Variants in RBMS3 observed in about 807,000 individuals in gnomAD.
RBMS3 encodes RNA-binding motif, single-stranded-interacting protein 3.
In RBMS3, 27 loss-of-function variants were observed where a neutral mutation model predicts 66.8. The observed-to-expected ratio is 0.40, with a 90% confidence interval of 0.30 to 0.56. RBMS3 has a LOEUF of 0.56. RBMS3 is among the 20% of genes least tolerant of loss of function. RBMS3 has a pLI of 0.40. For missense variants in RBMS3, 513 were observed against 549.5 expected, an observed-to-expected ratio of 0.93 and a Z score of 0.66; for synonymous variants, 188 against 183.0, an observed-to-expected ratio of 1.03 and a Z score of -0.22.
chr3:29,549,253 G>A (rs2046095490), intron 3 of RBMS3, among the ~76,000 whole-genome samples: 1 of 151,726 alleles, frequency 6.6e-6, no homozygotes, highest in Non-Finnish European at 1.5e-5. Context: ...TGTACTGGTG[G>A]CAGATGCAAA....
At chr3:29,830,123 A>AT (rs2058331990) in intron 6 of RBMS3, among the ~76,000 whole-genome samples, 1 of 151,770 alleles carries the variant, frequency 6.6e-6, no homozygotes, top group African/African-American at 2.4e-5. Flanking sequence ...TAGTGCAGAT[A>AT]TTTTTAGTGG....
chr3:29,629,457 C>G (rs1040225657), intron 4 of RBMS3, among the ~76,000 whole-genome samples: 3 of 152,104 alleles, frequency 2.0e-5, no homozygotes, highest in African/African-American at 7.2e-5. Flanking sequence ...TCAGTTCAAA[C>G]TGGCATTTTC....
chr3:29,890,272 C>T (rs549233196), intron 8 of RBMS3, among the ~76,000 whole-genome samples: 1 of 151,588 alleles, frequency 6.6e-6, no homozygotes, highest in Non-Finnish European at 1.5e-5. Context: ...AACATTGGGA[C>T]ATGCCTTTTA....
At chr3:29,367,037 A>G (rs571895111) in intron 1 of RBMS3, among the ~76,000 whole-genome samples, 154 of 152,284 alleles carry the variant, frequency 1.0e-3, no homozygotes, top group African/African-American at 3.6e-3. Flanking sequence ...AGAACTAAAA[A>G]GGTAAAAGAC....
intron 4 of RBMS3, among the ~76,000 whole-genome samples, chr3:29,698,818 A>G (rs2052396706): frequency 6.6e-6 from 1 of 152,180 alleles, no homozygotes; most frequent in Admixed American, 6.5e-5. Context: ...TTTTTGTTGT[A>G]CGAAAAATTT....
chr3:29,794,958 A>G (rs566419913), intron 6 of RBMS3, among the ~76,000 whole-genome samples: 56 of 152,340 alleles, frequency 3.7e-4, no homozygotes, highest in African/African-American at 1.1e-3. Context: ...TATGCTTCCC[A>G]TTCTCAACTC....
intron 4 of RBMS3, among the ~76,000 whole-genome samples, chr3:29,673,735 C>T (rs1194162821): frequency 1.3e-5 from 2 of 152,164 alleles, no homozygotes; most frequent in Non-Finnish European, 2.9e-5. Flanking sequence ...AGACCAATGA[C>T]AGGCTCTGAA....
chr3:29,897,626 C>T lies in RBMS3; in HGVS notation c.888+151C>T. ...AATAATACTCAAGTTATGAGTTAGC[C>T]TATACTTTCAAGAGCCTGTTTGCAT... On this transcript the variant is annotated intron_variant, in intron 9 of 14. Coordinates refer to ENST00000383767, the MANE Select transcript of RBMS3 (RefSeq NM_001003793.3). 4 of 678,888 alleles carry T rather than the reference C, an allele frequency of 5.9e-6. No homozygotes were observed. In the South Asian group the frequency reaches 7.2e-5, roughly 12 times the overall value. The allele number at this position is 678,888 out of a possible 1,614,324, so 42.1% of individuals were successfully genotyped here. A position where few individuals can be genotyped will look rare whatever the true frequency, so the allele number is the denominator to read the frequency against.
chr3:29,639,788 A>T (rs931860021), intron 4 of RBMS3, among the ~76,000 whole-genome samples: 3 of 151,810 alleles, frequency 2.0e-5, no homozygotes, highest in Non-Finnish European at 2.9e-5. Flanking sequence ...GAGCAACAGC[A>T]ATTTTTACTT....
chr3:29,569,779 C>T (rs1311512258), intron 3 of RBMS3, among the ~76,000 whole-genome samples: 1 of 152,120 alleles, frequency 6.6e-6, no homozygotes, highest in East Asian at 1.9e-4. Flanking sequence ...GCTTTGAAAG[C>T]ATTGCCTATT....
At chr3:29,681,907 T>A (rs1171259884) in intron 4 of RBMS3, among the ~76,000 whole-genome samples, 13 of 152,224 alleles carry the variant, frequency 8.5e-5, no homozygotes, top group Non-Finnish European at 1.5e-5. Context: ...CTTCTGCCTC[T>A]AGGTCTTTGA....
chr3:29,372,941 T>C (rs939845523), intron 1 of RBMS3, among the ~76,000 whole-genome samples: 4 of 151,466 alleles, frequency 2.6e-5, no homozygotes, highest in Non-Finnish European at 5.9e-5. Context: ...GCCTGGAATA[T>C]AGTAAGTGCT....
At chr3:30,002,526 C>T (rs539811745) in intron 14 of RBMS3, among the ~76,000 whole-genome samples, 2 of 152,074 alleles carry the variant, frequency 1.3e-5, no homozygotes, top group South Asian at 2.1e-4. Flanking sequence ...AACCATGGTT[C>T]CCATGACTAC....
At chr3:29,834,507 A>G (rs2058455580) in intron 6 of RBMS3, among the ~76,000 whole-genome samples, 1 of 152,040 alleles carries the variant, frequency 6.6e-6, no homozygotes, top group South Asian at 2.1e-4. Flanking sequence ...AAAACTTAGA[A>G]TTGGGTGGGC....
intron 1 of RBMS3, among the ~76,000 whole-genome samples, chr3:29,397,683 C>T (rs1310441889): frequency 6.6e-6 from 1 of 152,104 alleles, no homozygotes; most frequent in Admixed American, 6.6e-5. Context: ...TTGCTCTTCA[C>T]CCCTCCCCCT....
At chr3:29,573,896 A>G (rs1044707587) in intron 3 of RBMS3, among the ~76,000 whole-genome samples, 31 of 152,250 alleles carry the variant, frequency 2.0e-4, no homozygotes, top group African/African-American at 7.2e-4. Context: ...GTTGATTTCT[A>G]GTTTTATTTC....
chr3:29,720,800 G>A (rs527511722), intron 4 of RBMS3, among the ~76,000 whole-genome samples: 46 of 151,902 alleles, frequency 3.0e-4, no homozygotes, highest in Admixed American at 8.5e-4. Context: ...ATCGGTCAAC[G>A]ACACTGTCTG....
intron 4 of RBMS3, among the ~76,000 whole-genome samples, chr3:29,701,040 G>A (rs142170038): frequency 1.4e-3 from 220 of 152,278 alleles, no homozygotes; most frequent in African/African-American, 5.0e-3. Context: ...AAAGTTTTAA[G>A]TAGTACTCTG....
At chr3:29,571,867 A>G (rs1364090760) in intron 3 of RBMS3, among the ~76,000 whole-genome samples, 1 of 152,176 alleles carries the variant, frequency 6.6e-6, no homozygotes, top group Non-Finnish European at 1.5e-5. Flanking sequence ...TTTGGATAGT[A>G]TGCACATTTT....
Sources: allele counts gnomAD v4.1 joint callset (sites outside exome capture counted in the v4.1 genomes callset), GRCh38; gene constraint gnomAD v4.1.1; transcripts MANE v1.5; gene names NCBI Gene and HGNC (gene_info 2026-07-23, HGNC 2026-07-21).